The following ARSB variants were observed in gnomAD, a reference collection of about 807,000 sequenced individuals.
ARSB encodes arylsulfatase B, also known as N-acetylgalactosamine-4-sulfatase.
ARSB carries 41 observed loss-of-function variants against 50.9 expected under a neutral mutation model. The ratio of observed to expected loss-of-function variants is 0.81; its 90% CI spans 0.63 to 1.04. The LOEUF (loss-of-function observed/expected upper bound fraction) is 1.04. Among genes scored for constraint, ARSB ranks in the 50% least tolerant of loss-of-function variants. ARSB has a pLI of 0.00. For synonymous variants in ARSB, 269 were observed against 284.8 expected, an observed-to-expected ratio of 0.94 and a Z score of 0.56; for missense variants, 672 against 693.3, an observed-to-expected ratio of 0.97 and a Z score of 0.35.
Position 78,780,519 on chromosome 5 carries a change from T to C in ARSB, c.1480A>G (p.Ile494Val), listed in dbSNP as rs140415504. The change falls in exon 8 of 8, where the codon ATC becomes GTC. Residue 494 changes from isoleucine (I) to valine (V), a missense_variant. Physicochemically the swap from Ile to Val is conservative, Grantham distance 29. Transcript: ENST00000264914. ...AGGCGGGACAGGAGCTTTGTGACGATGTGAGGATATTCTCTGGACAGGTCA... is the reference window on the plus strand; with the variant it reads ...AGGCGGGACAGGAGCTTTGTGACGACGTGAGGATATTCTCTGGACAGGTCA... ...RHDLSREYPH[I>V]VTKLLSRLQF... 1.9e-5 allele frequency: 30 copies of C among 1,613,958 alleles called. No homozygotes were observed. The highest frequency in any genetic ancestry group is 5.1e-6 in the Non-Finnish European group (6 of 1,180,008).
intron 5 of ARSB, among the ~76,000 whole-genome samples, chr5:78,848,731 G>C (rs947890504): frequency 6.6e-6 from 1 of 152,172 alleles, no homozygotes; most frequent in Non-Finnish European, 1.5e-5. Flanking sequence ...TCTAGCACCT[G>C]TTGTTTCCTG....
chr5:78,985,112 TG>T lies in ARSB; in HGVS notation c.136del (p.His46ThrfsTer10). The T allele has an allele frequency of 6.7e-7, 1 of 1,501,926 alleles. No homozygotes were observed. Among genetic ancestry groups the T allele is most frequent in the Admixed American group, 2.1e-5 (1 of 47,106 alleles). 93.0% of individuals were successfully genotyped at this position (1,501,926 alleles called of 1,614,324 possible). On this transcript the variant is annotated frameshift_variant, in exon 1 of 8. Transcript: ENST00000264914. LOFTEE classifies it high-confidence loss of function. ...GSGAGASRPP[H>X]LVFLLADDLG... Reference sequence around the variant, plus strand: ...GTCGTCTGCCAGCAAGAAGACCAGGTGGGGCGGCCGGCTGGCCCCGGCGCCC... The same window carrying T: ...GTCGTCTGCCAGCAAGAAGACCAGGTGGGCGGCCGGCTGGCCCCGGCGCCC...
intron 5 of ARSB, among the ~76,000 whole-genome samples, chr5:78,844,008 T>C (rs186802767): frequency 6.6e-6 from 1 of 152,352 alleles, no homozygotes; most frequent in East Asian, 1.9e-4. Flanking sequence ...AATCCTACTA[T>C]GAACATTCAT....
chr5:78,945,713 C>G (rs1751198121), intron 4 of ARSB, among the ~76,000 whole-genome samples: 2 of 152,186 alleles, frequency 1.3e-5, no homozygotes, highest in East Asian at 1.9e-4. Context: ...TCTCGCTGCT[C>G]TCCACCTTGC....
In ARSB at chr5:78,904,685, C is replaced by CT. The variant is rs55920994; in HGVS notation, c.899-18859dup. 4.0e-3 allele frequency among the ~76,000 whole-genome samples: 394 copies of CT among 98,890 alleles called. 4 individuals are homozygous for CT. Among genetic ancestry groups the CT allele is most frequent in the South Asian group, 7.1e-3 (22 of 3,104 alleles). The allele number at this position is 98,890 out of a possible 152,430, so 64.9% of individuals were successfully genotyped here. On this transcript the variant is annotated intron_variant, in intron 4 of 7. Transcript: ENST00000264914. ...ATAATTTTCTTTCTTTTCTTTCTTTCTTTTTTTTTTTTTTTTTTTTGAGAG... is the reference window on the plus strand; with the variant it reads ...ATAATTTTCTTTCTTTTCTTTCTTTCTTTTTTTTTTTTTTTTTTTTTGAGAG...
chr5:78,984,487 C>G (rs1010416615), intron 1 of ARSB, among the ~76,000 whole-genome samples: 2 of 152,194 alleles, frequency 1.3e-5, no homozygotes, highest in African/African-American at 4.8e-5. Flanking sequence ...ACACTCCTAA[C>G]CTATCACCGC....
intron 5 of ARSB, among the ~76,000 whole-genome samples, chr5:78,856,136 T>C (rs534103308): frequency 6.6e-6 from 1 of 152,284 alleles, no homozygotes; most frequent in South Asian, 2.1e-4. Flanking sequence ...GAAAGGACTA[T>C]TTTTTCCAAT....
chr5:78,799,019 C>A (rs977029100), intron 6 of ARSB, among the ~76,000 whole-genome samples: 1 of 152,114 alleles, frequency 6.6e-6, no homozygotes, highest in Non-Finnish European at 1.5e-5. Context: ...CAGCAGCCCC[C>A]GAAAGTAAGG....
chr5:78,829,692 T>G (rs901873468), intron 6 of ARSB, among the ~76,000 whole-genome samples: 4 of 152,212 alleles, frequency 2.6e-5, no homozygotes, highest in Admixed American at 2.0e-4. Flanking sequence ...CAGAAATGTT[T>G]TCAAAAGTTT....
chr5:78,807,247 G>A (rs761540751), intron 6 of ARSB, among the ~76,000 whole-genome samples: 26 of 152,168 alleles, frequency 1.7e-4, no homozygotes, highest in Admixed American at 9.8e-4. Context: ...ATAATCCAGG[G>A]CCAAGCCTGC....
intron 6 of ARSB, among the ~76,000 whole-genome samples, chr5:78,811,227 A>G (rs188811946): frequency 2.0e-4 from 31 of 152,356 alleles, no homozygotes; most frequent in African/African-American, 7.0e-4. Context: ...GTACAGTGAA[A>G]CAATGGATGC....
In ARSB at chr5:78,985,088, T is replaced by A. The variant is rs1378501017; in HGVS notation, c.161A>T (p.Asp54Val). The A allele has an allele frequency of 6.5e-7, 1 of 1,530,306 alleles. No individual in the cohort carries two copies. Among genetic ancestry groups the A allele is most frequent in the Non-Finnish European group, 8.8e-7 (1 of 1,138,326 alleles). The allele number at this position is 1,530,306 out of a possible 1,614,324, so 94.8% of individuals were successfully genotyped here. The change falls in exon 1 of 8, where the codon GAC becomes GTC. Residue 54 changes from aspartate (D) to valine (V), a missense_variant. Coordinates refer to ENST00000264914, the MANE Select transcript of ARSB (RefSeq NM_000046.5). ...GAAGCCGACGTCGTTCCAGCCTAGGTCGTCTGCCAGCAAGAAGACCAGGTG... is the reference window on the plus strand; with the variant it reads ...GAAGCCGACGTCGTTCCAGCCTAGGACGTCTGCCAGCAAGAAGACCAGGTG... ...PPHLVFLLAD[D>V]LGWNDVGFHG...
At chr5:78,939,861 A>T (rs1750819061) in intron 4 of ARSB, among the ~76,000 whole-genome samples, 2 of 152,202 alleles carry the variant, frequency 1.3e-5, no homozygotes, top group African/African-American at 4.8e-5. Context: ...CGCCACACTG[A>T]CTTCCACAAT....
chr5:78,940,236 G>T (rs557228628), intron 4 of ARSB, among the ~76,000 whole-genome samples: 4 of 152,298 alleles, frequency 2.6e-5, no homozygotes, highest in African/African-American at 9.6e-5. Context: ...AAGGTTGCCT[G>T]TTCACTCTGA....
chr5:78,885,349 G>T, intron 5 of ARSB: 2 of 589,488 alleles, frequency 3.4e-6, no homozygotes, highest in Non-Finnish European at 5.4e-6. Context: ...TCCATGGAGG[G>T]CGATGGGCTG....
At chr5:78,871,302 T>C (rs1260529620) in intron 5 of ARSB, among the ~76,000 whole-genome samples, 1 of 152,146 alleles carries the variant, frequency 6.6e-6, no homozygotes, top group Non-Finnish European at 1.5e-5. Context: ...CTTCACAGAA[T>C]TGGAAAAAAC....
chr5:78,909,572 C>T (rs911706415), intron 4 of ARSB, among the ~76,000 whole-genome samples: 4 of 152,174 alleles, frequency 2.6e-5, no homozygotes, highest in Non-Finnish European at 4.4e-5. Context: ...TGGGATGTGC[C>T]TTGTTAACAA....
intron 4 of ARSB, among the ~76,000 whole-genome samples, chr5:78,904,681 CTTTCT>C (rs1393770600): frequency 1.8e-4 from 23 of 127,296 alleles, no homozygotes; most frequent in Admixed American, 1.5e-3. Flanking sequence ...TCTTTTCTTT[CTTTCT>C]TTTTTTTTTT....
chr5:78,822,549 C>T lies in ARSB; in HGVS notation c.1213+16807G>A, dbSNP rs1048689711. 2.6e-5 allele frequency among the ~76,000 whole-genome samples: 4 copies of T among 152,202 alleles called. No individual in the cohort carries two copies. The East Asian group carries it at 7.7e-4, about 29-fold the overall frequency. On this transcript the variant is annotated intron_variant, in intron 6 of 7. Coordinates refer to ENST00000264914, the MANE Select transcript of ARSB (RefSeq NM_000046.5). ...ATAGGTACACTGAATTGAATAAAAA[C>T]GATACTAAAAATTATACATAATCTC... is the stretch of plus-strand genomic sequence containing the variant.
Sources: allele counts gnomAD v4.1 joint callset (sites outside exome capture counted in the v4.1 genomes callset), GRCh38; gene constraint gnomAD v4.1.1; transcripts MANE v1.5; gene names NCBI Gene and HGNC (gene_info 2026-07-23, HGNC 2026-07-21).